The following AKR1D1 variants were observed in gnomAD, a reference collection of about 807,000 sequenced individuals.
AKR1D1 encodes the protein delta(4)-3-ketosteroid 5-beta-reductase.
AKR1D1 carries 32 observed loss-of-function variants against 42.6 expected under a neutral mutation model. The ratio of observed to expected loss-of-function variants is 0.75; its 90% CI spans 0.57 to 1.01. AKR1D1 has a LOEUF of 1.01. AKR1D1 is among the 50% of genes least tolerant of loss of function. The pLI is 0.00. For missense variants in AKR1D1, 364 were observed against 402.2 expected, an observed-to-expected ratio of 0.91 and a Z score of 0.81; for synonymous variants, 123 against 135.5, an observed-to-expected ratio of 0.91 and a Z score of 0.64.
chr7:138,086,196 C>T (rs1803173832), intron 1 of AKR1D1, among the ~76,000 whole-genome samples: 1 of 152,032 alleles, frequency 6.6e-6, no homozygotes, highest in Non-Finnish European at 1.5e-5. Flanking sequence ...GAGACCCTGT[C>T]TCTAATAATA....
chr7:138,100,113 A>AAAAAAAAAAT (rs1794265238), intron 4 of AKR1D1, among the ~76,000 whole-genome samples: 1 of 132,492 alleles, frequency 7.5e-6, no homozygotes, highest in African/African-American at 2.8e-5. Context: ...AAAAAAAAAA[A>AAAAAAAAAAT]AAAAACATAA....
chr7:138,097,822 A>C, intron 3 of AKR1D1, 44 bp from the exon 4 acceptor site: 1 of 1,407,004 alleles, frequency 7.1e-7, no homozygotes, highest in African/African-American at 1.5e-5. Context: ...ATTCCCAGAT[A>C]TAAATAAAAT....
At chr7:138,103,742 G>A (rs1794362839) in intron 4 of AKR1D1, among the ~76,000 whole-genome samples, 2 of 152,072 alleles carry the variant, frequency 1.3e-5, no homozygotes, top group South Asian at 2.1e-4. Flanking sequence ...AAAGAGTTGT[G>A]CGTGAAGATG....
intron 4 of AKR1D1, among the ~76,000 whole-genome samples, chr7:138,104,730 C>T (rs1034997706): frequency 6.6e-6 from 1 of 150,828 alleles, no homozygotes; most frequent in African/African-American, 2.4e-5. Context: ...AAAAAAGTAC[C>T]CAAAAATTTC....
chr7:138,078,314 C>A (rs947764813), intron 1 of AKR1D1, among the ~76,000 whole-genome samples: 1 of 152,110 alleles, frequency 6.6e-6, no homozygotes, highest in South Asian at 2.1e-4. Context: ...AGTTTAGAAG[C>A]AAAGAAAGAG....
rs144043183 is a variant in AKR1D1, at chr7:138,080,351, T to C, written c.93+3740T>C. 3.8e-3 allele frequency among the ~76,000 whole-genome samples: 576 copies of C among 152,290 alleles called. 5 individuals are homozygous for C. Among genetic ancestry groups the C allele is most frequent in the African/African-American group, 0.013 (551 of 41,568 alleles). ...TTCAAAATTGCTGGGATTATAGGCA[T>C]GAGCCACTATGCCCAGCCCAATGAT... On this transcript the variant is annotated intron_variant, in intron 1 of 8. Transcript: ENST00000242375.
chr7:138,116,003 C>T (rs190883245), intron 8 of AKR1D1, among the ~76,000 whole-genome samples: 2 of 152,102 alleles, frequency 1.3e-5, no homozygotes, highest in South Asian at 2.1e-4. Flanking sequence ...CGAGACAGGG[C>T]GACTGCTTCA....
intron 7 of AKR1D1, among the ~76,000 whole-genome samples, chr7:138,111,548 A>G (rs910322515): frequency 2.6e-5 from 4 of 152,178 alleles, no homozygotes; most frequent in African/African-American, 9.7e-5. Flanking sequence ...GAAAGGGAAA[A>G]CTGTAGGGGA....
At chr7:138,084,106 C>A (rs1429219146) in intron 1 of AKR1D1, among the ~76,000 whole-genome samples, 1 of 152,066 alleles carries the variant, frequency 6.6e-6, no homozygotes, top group Non-Finnish European at 1.5e-5. Context: ...GTGGCCATAG[C>A]CTGTTAGGGA....
At chr7:138,108,104 G>A (rs535858301) in intron 7 of AKR1D1, among the ~76,000 whole-genome samples, 2 of 152,276 alleles carry the variant, frequency 1.3e-5, no homozygotes, top group African/African-American at 4.8e-5. Flanking sequence ...AATGGCTCTG[G>A]TAAAAGTTGA....
At position 138,105,881 on chromosome 7, in the gene AKR1D1, T is replaced by A. The variant is rs556869868; in HGVS notation, c.579+452T>A. 5.3e-5 allele frequency among the ~76,000 whole-genome samples: 8 copies of A among 150,256 alleles called. No homozygotes were observed. The South Asian group carries it at 1.7e-3, about 32-fold the overall frequency. On this transcript the variant is annotated intron_variant, in intron 5 of 8. Transcript: ENST00000242375. The stretch of plus-strand genomic sequence containing the variant: ...GCCTGGGCGACAGAGTGTGACTTCG[T>A]CTAACAACAACAACAACAACAAAAA...
intron 1 of AKR1D1, among the ~76,000 whole-genome samples, chr7:138,082,817 C>T (rs1803085850): frequency 6.6e-6 from 1 of 152,100 alleles, no homozygotes; most frequent in African/African-American, 2.4e-5. Context: ...CAGGTTCATC[C>T]ATGTTGTGTA....
intron 3 of AKR1D1, among the ~76,000 whole-genome samples, chr7:138,095,979 T>A (rs915651644): frequency 3.3e-5 from 5 of 151,534 alleles, no homozygotes; most frequent in African/African-American, 1.2e-4. Flanking sequence ...GGCAGGTGGA[T>A]CACTTGAGCC....
chr7:138,094,412 G>A (rs1187797142), intron 3 of AKR1D1, among the ~76,000 whole-genome samples: 1 of 152,184 alleles, frequency 6.6e-6, no homozygotes, highest in East Asian at 1.9e-4. Flanking sequence ...CTACTTGGGA[G>A]ACTAAGGTGG....
At chr7:138,102,184 C>T (rs1419575709) in intron 4 of AKR1D1, among the ~76,000 whole-genome samples, 1 of 152,114 alleles carries the variant, frequency 6.6e-6, no homozygotes, top group African/African-American at 2.4e-5. Flanking sequence ...GCACTCCAGC[C>T]TGGGTGACAG....
At chr7:138,101,812 T>C (rs1794324580) in intron 4 of AKR1D1, among the ~76,000 whole-genome samples, 2 of 152,324 alleles carry the variant, frequency 1.3e-5, no homozygotes, top group Admixed American at 6.5e-5. Flanking sequence ...AGATATACCA[T>C]GTTCCTTGAT....
At chr7:138,100,904 CTGTGT>C (rs1794294203) in intron 4 of AKR1D1, among the ~76,000 whole-genome samples, 1 of 151,782 alleles carries the variant, frequency 6.6e-6, no homozygotes, top group Non-Finnish European at 1.5e-5. Flanking sequence ...CGGGGTTTCA[CTGTGT>C]TAGCCAGGAT....
rs143101649 is a variant in AKR1D1, at chr7:138,107,507, G to A, written c.782G>A (p.Arg261His). 6.8e-5 allele frequency: 109 copies of A among 1,614,080 alleles called. 1 individual carries two copies. Among genetic ancestry groups the A allele is most frequent in the Non-Finnish European group, 7.8e-5 (92 of 1,179,978 alleles). ...AAGACAGCAGCTCAAATTGTTTTGC[G>A]TTTCAACATCCAGCGAGGGGTGGTT... ...YNKTAAQIVL[R>H]FNIQRGVVVI... Residue 261 changes from arginine to histidine, a missense_variant, in exon 7 of 9, where the codon CGT (arginine) becomes CAT (histidine). Coordinates refer to ENST00000242375, the MANE Select transcript of AKR1D1 (RefSeq NM_005989.4).
intron 4 of AKR1D1, among the ~76,000 whole-genome samples, chr7:138,101,186 TC>T (rs1562935846): frequency 7.2e-4 from 13 of 17,938 alleles, no homozygotes; most frequent in Middle Eastern, 0.029. Context: ...CCTCCCTCCC[TC>T]CCTCCCTTCC....
Sources: gnomAD v4.1 joint callset for allele counts (sites outside exome capture counted in the v4.1 genomes callset) on GRCh38, gnomAD v4.1.1 for gene constraint, MANE v1.5 for transcripts, NCBI Gene and HGNC (gene_info 2026-07-23, HGNC 2026-07-21) for gene names.